Variants in NCKAP1L observed in about 807,000 individuals in gnomAD.
NCKAP1L encodes the protein nck-associated protein 1-like.
Under a neutral mutation model 139.2 loss-of-function variants are expected in NCKAP1L, and 53 were observed. The observed-to-expected ratio is 0.38, with a 90% confidence interval of 0.31 to 0.48. The LOEUF (loss-of-function observed/expected upper bound fraction) is 0.48, where lower values mean the gene tolerates loss of function less well. Ranked by LOEUF, NCKAP1L falls within the 20% of genes least tolerant of loss-of-function variation. The probability of loss-of-function intolerance (pLI) is 0.98; values close to 1 mark genes in which losing one functional copy is unlikely to be tolerated. For missense variants in NCKAP1L, 1,151 were observed against 1,381.9 expected (o/e 0.83, Z 2.65); for synonymous variants, 468 against 499.7 (o/e 0.94, Z 0.85).
chr12:54,529,444 A>T (rs1320015141), intron 22 of NCKAP1L, among the ~76,000 whole-genome samples: 1 of 152,182 alleles, frequency 6.6e-6, no homozygotes, highest in Non-Finnish European at 1.5e-5. Flanking sequence ...TCACCTCCAT[A>T]TAAATCAGGG....
At chr12:54,506,785 TAAA>T (rs1291340610) in intron 3 of NCKAP1L, among the ~76,000 whole-genome samples, 4 of 60,350 alleles carry the variant, frequency 6.6e-5, no homozygotes, top group East Asian at 7.6e-4. Context: ...GGCAACATAT[TAAA>T]AAAAAAAAAT....
intron 21 of NCKAP1L, among the ~76,000 whole-genome samples, chr12:54,527,227 A>C (rs1326687276): frequency 2.0e-5 from 3 of 152,198 alleles, no homozygotes; most frequent in African/African-American, 7.2e-5. Context: ...GGTGGGAATC[A>C]GCACTGTTTC....
chr12:54,542,078 G>A (rs778581606), intron 30 of NCKAP1L, among the ~76,000 whole-genome samples: 1 of 152,110 alleles, frequency 6.6e-6, no homozygotes, highest in African/African-American at 2.4e-5. Flanking sequence ...CCTTTATGCG[G>A]CATCCTTACT....
chr12:54,521,021 C>T (rs1321950968), intron 17 of NCKAP1L, 98 bp from the exon 18 acceptor site: 2 of 1,572,352 alleles, frequency 1.3e-6, no homozygotes, highest in African/African-American at 2.7e-5. Context: ...GGGTAGGAAT[C>T]TTCTGTAAGA....
chr12:54,507,599 G>A (rs1956853250), intron 3 of NCKAP1L, among the ~76,000 whole-genome samples: 2 of 152,224 alleles, frequency 1.3e-5, no homozygotes, highest in East Asian at 1.9e-4. Context: ...GGGATGATAA[G>A]CTCAGGAAAA....
intron 2 of NCKAP1L, 53 bp from the exon 3 acceptor site, chr12:54,500,480 A>T: frequency 8.1e-7 from 1 of 1,230,474 alleles, no homozygotes; most frequent in Non-Finnish European, 1.2e-6. Context: ...AGTTATTTGG[A>T]TCAATTGTCT....
intron 4 of NCKAP1L, among the ~76,000 whole-genome samples, 191 bp downstream of exon 4, chr12:54,508,100 G>A (rs1956857634): frequency 6.6e-6 from 1 of 152,122 alleles, no homozygotes; most frequent in Non-Finnish European, 1.5e-5. Flanking sequence ...TACATGTTAA[G>A]CAGATCAGCA....
chr12:54,530,627 G>A (rs1210697882), intron 22 of NCKAP1L, among the ~76,000 whole-genome samples: 2 of 152,146 alleles, frequency 1.3e-5, no homozygotes, highest in Non-Finnish European at 2.9e-5. Flanking sequence ...TGCAGTAAGG[G>A]GCAGTAAGAC....
chr12:54,518,686 C>G lies in NCKAP1L; in HGVS notation c.1374C>G (p.Ile458Met). The change falls in exon 14 of 31, where the codon ATC (isoleucine) becomes ATG (methionine). Residue 458 changes from isoleucine (I) to methionine (M), a missense_variant. Physicochemically the swap from Ile to Met is conservative, Grantham distance 10 (BLOSUM62 1). Transcript: ENST00000293373. ...LSVCPEEESIIMSSFVSILSS... is the reference protein window; with the variant it reads ...LSVCPEEESIMMSSFVSILSS... ...TGTGTCCAGAGGAGGAGTCCATCAT[C>G]ATGTCCTCATTCGTCAGTATCCTCT... is the stretch of plus-strand genomic sequence containing the variant. The G allele has an allele frequency of 6.2e-7, 1 of 1,614,110 alleles. No homozygotes were observed. Among genetic ancestry groups the G allele is most frequent in the Non-Finnish European group, 8.5e-7 (1 of 1,179,982 alleles).
At chr12:54,506,765 C>A (rs1956841755) in intron 3 of NCKAP1L, among the ~76,000 whole-genome samples, 2 of 98,526 alleles carry the variant, frequency 2.0e-5, no homozygotes, top group Non-Finnish European at 3.7e-5. Flanking sequence ...AGTGCCTGTT[C>A]AAATCTTTTG....
At chr12:54,521,069 G>T in intron 17 of NCKAP1L, 50 bp from the exon 18 acceptor site, 1 of 1,611,056 alleles carries the variant, frequency 6.2e-7, no homozygotes, top group Non-Finnish European at 8.5e-7. Flanking sequence ...TGAGGAAGAA[G>T]TGGCCGTGCT....
intron 19 of NCKAP1L, 117 bp downstream of exon 19, chr12:54,523,656 A>G (rs762528935): frequency 6.9e-7 from 1 of 1,450,698 alleles, no homozygotes; most frequent in Non-Finnish European, 9.3e-7. Flanking sequence ...AATGAGGGGC[A>G]TGGAAAAGCA....
Position 54,511,847 on chromosome 12 carries a change from T to C in NCKAP1L, c.780T>C (p.Ile260=). The C allele has an allele frequency of 1.2e-6, 2 of 1,614,212 alleles. No individual in the cohort carries two copies. The highest frequency in any genetic ancestry group is 1.7e-6 in the Non-Finnish European group (2 of 1,180,024). ...YLSVEVMERW[I]IIGFLLCHGC... is the part of the protein sequence containing the mutation. ...CTGTGGAAGTAATGGAGCGCTGGAT[T>C]ATCAGTAAGTTTAGTGGGATTAGAT... Residue 260 remains isoleucine, a synonymous_variant, in exon 8 of 31, where the codon ATT becomes ATC. Transcript: ENST00000293373.
intron 2 of NCKAP1L, 22 bp downstream of exon 2, chr12:54,499,487 C>A: frequency 7.6e-7 from 1 of 1,323,132 alleles, no homozygotes; most frequent in Non-Finnish European, 1.1e-6. Context: ...GTCCTTCTCT[C>A]CTTTCTCTGA....
intron 28 of NCKAP1L, 142 bp from the exon 29 acceptor site, chr12:54,536,802 C>T: frequency 1.7e-6 from 1 of 586,186 alleles, no homozygotes; most frequent in Admixed American, 2.9e-5. Context: ...CCTCTAATCT[C>T]AAAATGCCTT....
chr12:54,531,203 T>C (rs1365402460), intron 22 of NCKAP1L, 57 bp from the exon 23 acceptor site: 7 of 1,298,056 alleles, frequency 5.4e-6, no homozygotes, highest in Non-Finnish European at 6.7e-6. Context: ...ATAGCTGTTG[T>C]ACAAATACTC....
Position 54,536,263 on chromosome 12 carries a change from T to A in NCKAP1L, c.3073+18T>A. ...GAAGGATGGTAAGTAAGGGGTAGGT[T>A]TGAGACACCAGTGCTATTCAAGTTA... On this transcript the variant is annotated intron_variant, in intron 28 of 30. Coordinates refer to ENST00000293373, the MANE Select transcript of NCKAP1L (RefSeq NM_005337.5). 1 of 1,524,312 alleles carries A rather than the reference T, an allele frequency of 6.6e-7. No individual in the cohort carries two copies. The allele number at this position is 1,524,312 out of a possible 1,614,324, so 94.4% of individuals were successfully genotyped here.
At chr12:54,538,849 T>C (rs1272664664) in intron 29 of NCKAP1L, 35 bp from the exon 30 acceptor site, 4 of 1,548,950 alleles carry the variant, frequency 2.6e-6, no homozygotes, top group Non-Finnish European at 3.6e-6. Context: ...TACTGACCTG[T>C]ATAAAAATCT....
chr12:54,520,361 A>T lies in NCKAP1L; in HGVS notation c.1626-333A>T, dbSNP rs547842753. 3.9e-5 allele frequency among the ~76,000 whole-genome samples: 6 copies of T among 152,342 alleles called. No homozygotes were observed. In the South Asian group the frequency reaches 1.2e-3, roughly 32 times the overall value. On this transcript the variant is annotated intron_variant, in intron 16 of 30. Coordinates refer to ENST00000293373, the MANE Select transcript of NCKAP1L (RefSeq NM_005337.5). ...ATTAACACTACTGAAGGACTTCTAA[A>T]TTAGGGGGAATGGCCCAAATCATGC...
Sources: gnomAD v4.1 joint callset for allele counts (sites outside exome capture counted in the v4.1 genomes callset) on GRCh38, gnomAD v4.1.1 for gene constraint, MANE v1.5 for transcripts, NCBI Gene and HGNC (gene_info 2026-07-23, HGNC 2026-07-21) for gene names.